Variants in MINK1 observed in about 807,000 individuals in gnomAD.
The protein encoded by MINK1 is misshapen-like kinase 1.
MINK1 carries 46 observed loss-of-function variants against 178.4 expected under a neutral mutation model. The ratio of observed to expected loss-of-function variants is 0.26; its 90% CI spans 0.20 to 0.33. MINK1 has a LOEUF of 0.33. Among genes scored for constraint, MINK1 ranks in the 10% least tolerant of loss-of-function variants. The pLI, the probability that MINK1 is intolerant of heterozygous loss-of-function variation, is 1.00. For synonymous variants in MINK1, 797 were observed against 709.7 expected (o/e 1.12, Z -1.96); for missense variants, 1,366 against 1,814.9 (o/e 0.75, Z 4.49).
In MINK1 at chr17:4,886,898, C is replaced by T. The variant is rs1968259001; in HGVS notation, c.950-212C>T. ...ATGTGTGTGCGAGCACAAGCACAGG[C>T]TCTGCCACACCTCAGCTGCCCTGGG... On this transcript the variant is annotated intron_variant, in intron 10 of 31. Coordinates refer to ENST00000355280, the MANE Select transcript of MINK1 (RefSeq NM_153827.5). This position sits in a 1 kb window ranked among gnomAD's most constrained non-coding sequence, Gnocchi z 6.1. Among the ~76,000 whole-genome samples, 1 of 152,216 alleles carries T rather than the reference C, an allele frequency of 6.6e-6. No homozygotes were observed. Among genetic ancestry groups the T allele is most frequent in the African/African-American group, 2.4e-5 (1 of 41,450 alleles).
chr17:4,861,613 GC>G, intron 1 of MINK1: 2 of 243,130 alleles, frequency 8.2e-6, no homozygotes, highest in Non-Finnish European at 1.8e-5. Flanking sequence ...CGATTCTCCT[GC>G]CCCAGCCTCC....
At chr17:4,869,749 C>CTTT (rs199500045) in intron 1 of MINK1, among the ~76,000 whole-genome samples, 60 of 130,718 alleles carry the variant, frequency 4.6e-4, no homozygotes, top group Middle Eastern at 7.9e-3. Context: ...GGCAGCATCT[C>CTTT]TTTTTTTTTT....
In MINK1 at chr17:4,887,196, G is replaced by C. The variant is rs768696001; in HGVS notation, c.1019+17G>C. 23 of 1,592,454 alleles carry C rather than the reference G, an allele frequency of 1.4e-5. No homozygotes were observed. The Admixed American group carries it at 1.6e-4, about 11-fold the overall frequency. On this transcript the variant is annotated intron_variant, in intron 11 of 31. Transcript: ENST00000355280. The surrounding 1 kb of genome is among the most constrained non-coding windows in gnomAD (Gnocchi z 7.6). ...AGAGCCAAGGTAGGCCTGGCAGGTG[G>C]AGTGGGGGTTGGGGCGGTCATCGCT...
intron 12 of MINK1, among the ~76,000 whole-genome samples, chr17:4,889,114 G>T (rs1278765756): frequency 6.6e-6 from 1 of 152,106 alleles, no homozygotes; most frequent in Non-Finnish European, 1.5e-5. Flanking sequence ...TGCTTTTGTT[G>T]GTGGTGGTGG....
At chr17:4,863,098 GA>G (rs916072021) in intron 1 of MINK1, among the ~76,000 whole-genome samples, 1 of 152,202 alleles carries the variant, frequency 6.6e-6, no homozygotes, top group East Asian at 1.9e-4. Context: ...AAAGAGAAAA[GA>G]AAAAGAATCT....
intron 4 of MINK1, among the ~76,000 whole-genome samples, chr17:4,882,047 G>T (rs1452461774): frequency 6.6e-6 from 1 of 152,230 alleles, no homozygotes; most frequent in African/African-American, 2.4e-5. Flanking sequence ...AAGGCCCTTT[G>T]GCTTTTTGGG....
In MINK1 at chr17:4,894,399, G is replaced by A; in HGVS notation, c.2808+88G>A. ...GGTGCTGGGTAACGGCAGAGGATGG[G>A]GCGGAGCGCTGGGAGCTGGACAGCG... On this transcript the variant is annotated intron_variant, in intron 23 of 31. Coordinates refer to ENST00000355280, the MANE Select transcript of MINK1 (RefSeq NM_153827.5). This position sits in a 1 kb window ranked among gnomAD's most constrained non-coding sequence, Gnocchi z 4.1. 1.3e-6 allele frequency: 2 copies of A among 1,547,738 alleles called. No individual in the cohort carries two copies. The highest frequency in any genetic ancestry group is 1.2e-5 in the South Asian group (1 of 83,860).
intron 1 of MINK1, among the ~76,000 whole-genome samples, chr17:4,866,359 C>T (rs754825470): frequency 2.0e-5 from 3 of 151,524 alleles, no homozygotes; most frequent in African/African-American, 4.8e-5. Context: ...CCCAGCTACT[C>T]GGGAGGCTGA....
At chr17:4,864,993 T>A (rs1393271305) in intron 1 of MINK1, among the ~76,000 whole-genome samples, 1 of 152,220 alleles carries the variant, frequency 6.6e-6, no homozygotes, top group Non-Finnish European at 1.5e-5. Flanking sequence ...AGACCAGAGC[T>A]CTTTCCACGA....
intron 1 of MINK1, among the ~76,000 whole-genome samples, chr17:4,846,032 C>A (rs1910972992): frequency 6.6e-6 from 1 of 152,202 alleles, no homozygotes; most frequent in African/African-American, 2.4e-5. Flanking sequence ...TTCTCATTGA[C>A]CTTCATGGGG....
chr17:4,885,989 T>G lies in MINK1; in HGVS notation c.694+24T>G. The G allele has an allele frequency of 1.2e-6, 2 of 1,608,692 alleles. No individual in the cohort carries two copies. Among genetic ancestry groups the G allele is most frequent in the African/African-American group, 1.4e-5 (1 of 73,268 alleles). On this transcript the variant is annotated intron_variant, in intron 8 of 31. Transcript: ENST00000355280. This position sits in a 1 kb window ranked among gnomAD's most constrained non-coding sequence, Gnocchi z 5.0. The stretch of plus-strand genomic sequence containing the variant: ...CCGTAAGTTCTGAGTCTGCCGGGAG[T>G]GGGAGGGGAGGGAAAGGAAGGGCCC...
chr17:4,861,241 T>C (rs1027008770), intron 1 of MINK1, among the ~76,000 whole-genome samples: 11 of 152,240 alleles, frequency 7.2e-5, no homozygotes, highest in African/African-American at 2.7e-4. Flanking sequence ...GTGTGGCCAG[T>C]GCCTTGCATT....
At chr17:4,854,691 A>G (rs370611846) in intron 1 of MINK1, 342 of 460,224 alleles carry the variant, frequency 7.4e-4, no homozygotes, top group Middle Eastern at 1.3e-3. Context: ...TTCTACTTCT[A>G]GAACTGGCCT....
intron 1 of MINK1, chr17:4,868,841 C>A: frequency 2.9e-6 from 1 of 345,352 alleles, no homozygotes. Context: ...CCTCAACCTC[C>A]CAGGCTCAAG....
chr17:4,891,588 G>A lies in MINK1; in HGVS notation c.1873G>A (p.Ala625Thr), dbSNP rs377523648. The change falls in exon 16 of 32, where the codon GCA becomes ACA. Residue 625 changes from alanine (A) to threonine (T), a missense_variant. Physicochemically the swap from Ala to Thr is moderately conservative, Grantham distance 58 (BLOSUM62 0). Transcript: ENST00000355280. ...ASHDPDPAIPAPTATPSARGA... is the reference protein window; with the variant it reads ...ASHDPDPAIPTPTATPSARGA... ...CCATGACCCCGACCCTGCCATCCCC[G>A]CACCCACTGCCACGCCCAGTGCCCG... is the stretch of plus-strand genomic sequence containing the variant. 2.6e-5 allele frequency: 41 copies of A among 1,603,988 alleles called. No homozygotes were observed. Among genetic ancestry groups the A allele is most frequent in the African/African-American group, 6.7e-5 (5 of 74,596 alleles).
intron 21 of MINK1, 26 bp downstream of exon 21, chr17:4,893,623 C>T: frequency 6.6e-7 from 1 of 1,513,586 alleles, no homozygotes; most frequent in Non-Finnish European, 8.9e-7. Flanking sequence ...TGGGGCCCTC[C>T]CACTCCAAGG....
intron 1 of MINK1, chr17:4,851,062 A>G (rs1339961298): frequency 1.7e-5 from 8 of 457,526 alleles, no homozygotes; most frequent in Admixed American, 7.1e-5. Context: ...CTTCCTCTCA[A>G]TTCTACTTTT....
At position 4,863,780 on chromosome 17, in the gene MINK1, CATTATT is replaced by C. The variant is rs151245503; in HGVS notation, c.58-14518_58-14513del. On this transcript the variant is annotated intron_variant, in intron 1 of 31. Coordinates refer to ENST00000355280, the MANE Select transcript of MINK1 (RefSeq NM_153827.5). ...AATGCTCAAAAATTGCTAGCTGTCT[CATTATT>C]ATTATTATTATTATTATTTTTGAGA... Among the ~76,000 whole-genome samples, 16 of 148,908 alleles carry C rather than the reference CATTATT, an allele frequency of 1.1e-4. No individual in the cohort carries two copies. In the South Asian group the frequency reaches 3.2e-3, roughly 30 times the overall value.
intron 1 of MINK1, 61 bp from the exon 2 acceptor site, chr17:4,878,256 T>A (rs926414729): frequency 6.8e-7 from 1 of 1,466,318 alleles, no homozygotes; most frequent in Non-Finnish European, 9.2e-7. Context: ...TTTACCCCCC[T>A]CTAGCTCTGT....
Sources: allele counts gnomAD v4.1 joint callset (sites outside exome capture counted in the v4.1 genomes callset), GRCh38; gene constraint gnomAD v4.1.1; non-coding constraint Gnocchi (gnomAD v3.1); transcripts MANE v1.5; gene names NCBI Gene and HGNC (gene_info 2026-07-23, HGNC 2026-07-21).